Variants in DARS1 observed in about 807,000 individuals in gnomAD.
The protein encoded by DARS1 is aspartate--tRNA ligase, cytoplasmic.
Under a neutral mutation model 68.8 loss-of-function variants are expected in DARS1, and 51 were observed. That is an observed-to-expected ratio of 0.74 (90% CI 0.59 to 0.94). The LOEUF (loss-of-function observed/expected upper bound fraction) is 0.94. Among genes scored for constraint, DARS1 ranks in the 40% least tolerant of loss-of-function variants. DARS1 has a pLI of 0.00. For synonymous variants in DARS1, 203 were observed against 190.4 expected, an observed-to-expected ratio of 1.07 and a Z score of -0.55; for missense variants, 607 against 597.3, an observed-to-expected ratio of 1.02 and a Z score of -0.17.
At chr2:135,979,538 C>T (rs1682576288) in intron 2 of DARS1, among the ~76,000 whole-genome samples, 172 bp from the exon 3 acceptor site, 1 of 152,180 alleles carries the variant, frequency 6.6e-6, no homozygotes, top group Admixed American at 6.5e-5. Context: ...CAATTTGCCT[C>T]AAGTTTTGTG....
intron 9 of DARS1, 129 bp from the exon 10 acceptor site, chr2:135,920,729 C>T (rs569547009): frequency 8.3e-7 from 1 of 1,202,148 alleles, no homozygotes; most frequent in African/African-American, 1.6e-5. Context: ...GCTGGAAGGA[C>T]CTCTGATGAA....
intron 3 of DARS1, among the ~76,000 whole-genome samples, chr2:135,977,143 C>A (rs775135774): frequency 6.6e-6 from 1 of 152,184 alleles, no homozygotes; most frequent in Non-Finnish European, 1.5e-5. Flanking sequence ...ATTAACATGA[C>A]TCAATTATCG....
At chr2:135,922,960 G>A (rs757112206) in intron 8 of DARS1, 42 bp from the exon 9 acceptor site, 116 of 1,417,414 alleles carry the variant, frequency 8.2e-5, no homozygotes, top group Admixed American at 1.1e-4. Flanking sequence ...ATAATCAATT[G>A]TAAACTTATC....
chr2:135,968,241 G>A (rs1319239571), intron 3 of DARS1, among the ~76,000 whole-genome samples: 1 of 152,102 alleles, frequency 6.6e-6, no homozygotes, highest in Non-Finnish European at 1.5e-5. Flanking sequence ...TCCAGCCTGG[G>A]CAACAGAGCA....
intron 7 of DARS1, among the ~76,000 whole-genome samples, chr2:135,931,738 T>C (rs1681352297): frequency 6.6e-6 from 1 of 152,158 alleles, no homozygotes; most frequent in African/African-American, 2.4e-5. Context: ...ATCCTGTATA[T>C]GTCCTATCTA....
intron 7 of DARS1, among the ~76,000 whole-genome samples, chr2:135,928,020 GGT>G (rs1337336643): frequency 6.6e-6 from 1 of 152,068 alleles, no homozygotes; most frequent in African/African-American, 2.4e-5. Context: ...GAGAAGTAAG[GGT>G]GTTGAGAGAA....
intron 4 of DARS1, among the ~76,000 whole-genome samples, chr2:135,944,451 A>G (rs1261645111): frequency 6.6e-6 from 1 of 152,230 alleles, no homozygotes; most frequent in Non-Finnish European, 1.5e-5. Flanking sequence ...AGAGAACACC[A>G]GAATCCATTT....
intron 2 of DARS1, among the ~76,000 whole-genome samples, chr2:135,982,032 T>A (rs1348700828): frequency 6.6e-6 from 1 of 152,172 alleles, no homozygotes; most frequent in African/African-American, 2.4e-5. Flanking sequence ...CCTAGAGGTG[T>A]TTTATTTCCA....
chr2:135,924,279 C>A, intron 8 of DARS1, 108 bp downstream of exon 8: 2 of 1,260,460 alleles, frequency 1.6e-6, no homozygotes, highest in Non-Finnish European at 2.1e-6. Flanking sequence ...TGGCAATAAA[C>A]CTTAATGGAC....
At chr2:135,914,354 T>G (rs1197689518) in intron 12 of DARS1, 115 bp downstream of exon 12, 1 of 703,798 alleles carries the variant, frequency 1.4e-6, no homozygotes, top group African/African-American at 1.8e-5. Context: ...TCTTCGGTTT[T>G]TATTTATTCC....
At chr2:135,907,871 A>C (rs1202636984) in intron 15 of DARS1, among the ~76,000 whole-genome samples, 1 of 152,186 alleles carries the variant, frequency 6.6e-6, no homozygotes, top group Non-Finnish European at 1.5e-5. Flanking sequence ...TACGATAAAA[A>C]GCTCTGGAGT....
At chr2:135,932,181 A>C (rs1395383921) in intron 7 of DARS1, among the ~76,000 whole-genome samples, 1 of 152,210 alleles carries the variant, frequency 6.6e-6, no homozygotes, top group Non-Finnish European at 1.5e-5. Flanking sequence ...GCTTGAGTAG[A>C]ATATTTAAGT....
At chr2:135,927,375 A>G (rs1648998749) in intron 7 of DARS1, among the ~76,000 whole-genome samples, 1 of 152,164 alleles carries the variant, frequency 6.6e-6, no homozygotes, top group South Asian at 2.1e-4. Context: ...TTCAACTGAC[A>G]AGGAATGTAC....
chr2:135,944,192 T>G (rs1681668382), intron 4 of DARS1, among the ~76,000 whole-genome samples: 1 of 152,170 alleles, frequency 6.6e-6, no homozygotes, highest in Non-Finnish European at 1.5e-5. Flanking sequence ...CAATGATTAT[T>G]TTTTTAATCA....
In DARS1 at chr2:135,985,409, C is replaced by T. The variant is rs1223095537; in HGVS notation, c.60G>A (p.Ala20=). The stretch of plus-strand genomic sequence containing the variant: ...AGGAAAGGAGGAAACCCACTTCCGC[C>T]GCGTCCATGATCTCCCGCGGCTTCT... The part of the protein sequence containing the change: ...SQEKPREIMD[A]AEDYAKERYG... The change falls in exon 1 of 16, where the codon GCG becomes GCA. Residue 20 remains alanine, a synonymous_variant. Transcript: ENST00000264161. The T allele has an allele frequency of 5.6e-6, 9 of 1,613,724 alleles. No homozygotes were observed. The highest frequency in any genetic ancestry group is 1.1e-5 in the South Asian group (1 of 91,074).
At chr2:135,984,043 T>C (rs1204431032) in intron 1 of DARS1, among the ~76,000 whole-genome samples, 2 of 152,208 alleles carry the variant, frequency 1.3e-5, no homozygotes, top group African/African-American at 4.8e-5. Flanking sequence ...TTACAGGAGT[T>C]TGACACTGAC....
intron 5 of DARS1, among the ~76,000 whole-genome samples, chr2:135,939,939 C>A (rs1043369930): frequency 9.2e-5 from 14 of 152,064 alleles, no homozygotes; most frequent in Non-Finnish European, 1.8e-4. Context: ...ACACATACAC[C>A]CTCCCAAGAC....
chr2:135,959,491 A>G (rs1366638437), intron 4 of DARS1, among the ~76,000 whole-genome samples: 1 of 146,284 alleles, frequency 6.8e-6, no homozygotes. Flanking sequence ...TGATAAAAAG[A>G]TGTTCTTTAA....
At position 135,914,842 on chromosome 2, in the gene DARS1, T is replaced by A. The variant is rs531812726; in HGVS notation, c.1107-331A>T. 24 of 187,498 alleles carry A rather than the reference T, an allele frequency of 1.3e-4. No individual in the cohort carries two copies. In the East Asian group the frequency reaches 2.7e-3, roughly 21 times the overall value. The allele number at this position is 187,498 out of a possible 1,614,324, so 11.6% of individuals were successfully genotyped here. On this transcript the variant is annotated intron_variant, in intron 11 of 15. Transcript: ENST00000264161. ...AAAAGTTCGCTATACTAATATGGGCTAGTCTTGCCATGAAATAATCTTCCC... is the reference window on the plus strand; with the variant it reads ...AAAAGTTCGCTATACTAATATGGGCAAGTCTTGCCATGAAATAATCTTCCC...
Sources: gnomAD v4.1 joint callset for allele counts (sites outside exome capture counted in the v4.1 genomes callset) on GRCh38, gnomAD v4.1.1 for gene constraint, MANE v1.5 for transcripts, NCBI Gene and HGNC (gene_info 2026-07-23, HGNC 2026-07-21) for gene names.